The following VCAN variants were observed in gnomAD, a reference collection of about 807,000 sequenced individuals.
The protein encoded by VCAN is versican core protein.
A neutral mutation model predicts 245.5 loss-of-function variants in VCAN; 44 were observed. That is an observed-to-expected ratio of 0.18 (90% CI 0.14 to 0.23). The LOEUF is 0.23. VCAN is among the 10% of genes least tolerant of loss of function. The pLI, the probability that VCAN is intolerant of heterozygous loss-of-function variation, is 1.00. For missense variants in VCAN, 3,793 were observed against 4,057.9 expected (o/e 0.93, Z 1.77); for synonymous variants, 1,413 against 1,437.0 (o/e 0.98, Z 0.38).
intron 1 of VCAN, 72 bp downstream of exon 1, chr5:83,472,095 T>G: frequency 2.7e-5 from 6 of 220,660 alleles, no homozygotes; most frequent in East Asian, 8.9e-5. Context: ...CCCGCGAGCT[T>G]AGAAAAAAGA....
In VCAN at chr5:83,537,972, A is replaced by G. The variant is rs752088303; in HGVS notation, c.4969A>G (p.Thr1657Ala). 1 of 1,613,816 alleles carries G rather than the reference A, an allele frequency of 6.2e-7. No homozygotes were observed. The highest frequency in any genetic ancestry group is 8.5e-7 in the Non-Finnish European group (1 of 1,179,950). ...TGAAGATACAATGTTCACCATGGTA[A>G]CTGATTTATCACAGAGAAATACTAC... ...EDEDTMFTMV[T>A]DLSQRNTTDT... is the part of the protein sequence containing the mutation. The change falls in exon 8 of 15, where the codon ACT (threonine) becomes GCT (alanine). Residue 1657 changes from threonine to alanine, a missense_variant. Around this residue, in one of 5 missense-constraint regions of VCAN, gnomAD observed 3,182 missense variants for 3,250.3 expected, o/e 0.98. Transcript: ENST00000265077.
intron 13 of VCAN, among the ~76,000 whole-genome samples, chr5:83,575,433 G>T (rs1056827187): frequency 1.3e-5 from 2 of 151,896 alleles, no homozygotes; most frequent in Non-Finnish European, 2.9e-5. Context: ...TAAATTATTC[G>T]TCTCTATCCA....
intron 1 of VCAN, among the ~76,000 whole-genome samples, chr5:83,480,389 C>G (rs565412937): frequency 6.6e-6 from 1 of 152,074 alleles, no homozygotes; most frequent in Non-Finnish European, 1.5e-5. Context: ...TGGGTCACAC[C>G]TTTGGTTTTT....
rs954604016 is a variant in VCAN, at chr5:83,536,878, T to A, written c.4004-129T>A. 10 of 725,804 alleles carry A rather than the reference T, an allele frequency of 1.4e-5. No homozygotes were observed. In the Admixed American group the frequency reaches 2.2e-4, roughly 16 times the overall value. The allele number at this position is 725,804 out of a possible 1,614,324, so 45.0% of individuals were successfully genotyped here. A position where few individuals can be genotyped will look rare whatever the true frequency, so the allele number is the denominator to read the frequency against. On this transcript the variant is annotated intron_variant, in intron 7 of 14. Coordinates refer to ENST00000265077, the MANE Select transcript of VCAN (RefSeq NM_004385.5). Reference sequence around the variant, plus strand: ...ACTGAGAACCATATAAGAGGGTGATTGCACTTATTATGAAAAGATTTGAAT... The same window carrying A: ...ACTGAGAACCATATAAGAGGGTGATAGCACTTATTATGAAAAGATTTGAAT...
rs965228372 is a variant in VCAN at position 83,561,912 on chromosome 5, C to T, written c.9735+6874C>T. The stretch of plus-strand genomic sequence containing the variant: ...GAGAATACGGAGTATTCATTAATTC[C>T]AGTGCTTTCTAAGCTTGTTGTAGAT... On this transcript the variant is annotated intron_variant, in intron 12 of 14. Coordinates refer to ENST00000265077, the MANE Select transcript of VCAN (RefSeq NM_004385.5). 5 of 152,150 alleles carry T rather than the reference C, an allele frequency of 3.3e-5. No homozygotes were observed. In the East Asian group the frequency reaches 9.6e-4, roughly 29 times the overall value. 9.4% of individuals were successfully genotyped at this position (152,150 alleles called of 1,614,324 possible). A position where few individuals can be genotyped will look rare whatever the true frequency, so the allele number is the denominator to read the frequency against.
At position 83,540,543 on chromosome 5, in the gene VCAN, A is replaced by C. The variant is rs747213731; in HGVS notation, c.7540A>C (p.Arg2514=). ...STLSNTVSYE[R]STDGSFQDRF... Reference sequence around the variant, plus strand: ...ACTGTCAAATACAGTGTCATATGAGAGGTCCACAGACGGTAGTTTCCAAGA... The same window carrying C: ...ACTGTCAAATACAGTGTCATATGAGCGGTCCACAGACGGTAGTTTCCAAGA... The change falls in exon 8 of 15, where the codon AGG becomes CGG. Residue 2514 remains arginine, a synonymous_variant. Coordinates refer to ENST00000265077, the MANE Select transcript of VCAN (RefSeq NM_004385.5). 3.7e-6 allele frequency: 6 copies of C among 1,613,992 alleles called. No individual in the cohort carries two copies. The highest frequency in any genetic ancestry group is 4.2e-6 in the Non-Finnish European group (5 of 1,179,942).
chr5:83,542,258 C>G lies in VCAN; in HGVS notation c.9255C>G (p.Ile3085Met). Residue 3085 changes from isoleucine (I) to methionine (M), a missense_variant, in exon 8 of 15, where the codon ATC becomes ATG. Physicochemically the swap from Ile to Met is conservative, Grantham distance 10 (BLOSUM62 1). Coordinates refer to ENST00000265077, the MANE Select transcript of VCAN (RefSeq NM_004385.5). ...AAGAGTCAGTGGAAGGCACGGCAATCTATTTACCAGGTAAGATCACAACAT... is the reference window on the plus strand; with the variant it reads ...AAGAGTCAGTGGAAGGCACGGCAATGTATTTACCAGGTAAGATCACAACAT... ...INEESVEGTA[I>M]YLPGPDRCKM... The G allele has an allele frequency of 6.2e-7, 1 of 1,612,784 alleles. No individual in the cohort carries two copies. The highest frequency in any genetic ancestry group is 8.5e-7 in the Non-Finnish European group (1 of 1,179,886).
intron 5 of VCAN, among the ~76,000 whole-genome samples, chr5:83,504,532 C>T (rs537795213): frequency 6.6e-6 from 1 of 152,066 alleles, no homozygotes; most frequent in Non-Finnish European, 1.5e-5. Flanking sequence ...CAGGCATGCA[C>T]CACCATGCCT....
At chr5:83,564,570 A>G (rs1436043192) in intron 12 of VCAN, among the ~76,000 whole-genome samples, 1 of 152,150 alleles carries the variant, frequency 6.6e-6, no homozygotes, top group African/African-American at 2.4e-5. Context: ...ATTAGGACCT[A>G]TCTGTCCTGT....
intron 12 of VCAN, among the ~76,000 whole-genome samples, chr5:83,557,979 TC>T (rs1032694037): frequency 6.6e-6 from 1 of 152,112 alleles, no homozygotes; most frequent in African/African-American, 2.4e-5. Context: ...CTTAATTCAC[TC>T]TCTGTGTAAA....
In VCAN at chr5:83,511,244, C is replaced by T. The variant is rs563852828; in HGVS notation, c.749-859C>T. The stretch of plus-strand genomic sequence containing the variant: ...GCAACCTCTGCCTCCCGGGTTCAAG[C>T]GATTCTCCTAAAAAAAAAAGAAGTC... On this transcript the variant is annotated intron_variant, in intron 5 of 14. Transcript: ENST00000265077. Among the ~76,000 whole-genome samples the T allele has an allele frequency of 4.6e-5, 7 of 150,592 alleles. No homozygotes were observed. In the East Asian group the frequency reaches 9.8e-4, roughly 21 times the overall value.
chr5:83,519,316 TGTCTA>T, intron 6 of VCAN, 28 bp from the exon 7 acceptor site: 1 of 1,610,838 alleles, frequency 6.2e-7, no homozygotes, highest in Non-Finnish European at 8.5e-7. Flanking sequence ...ATTAGTGACT[TGTCTA>T]ATCAACTCTT....
intron 12 of VCAN, among the ~76,000 whole-genome samples, chr5:83,562,965 T>G (rs1747927477): frequency 6.6e-6 from 1 of 152,154 alleles, no homozygotes; most frequent in Non-Finnish European, 1.5e-5. Flanking sequence ...CTGGCCAGAT[T>G]GTCTTTCCCG....
At chr5:83,515,851 A>T (rs1745826713) in intron 6 of VCAN, among the ~76,000 whole-genome samples, 1 of 152,164 alleles carries the variant, frequency 6.6e-6, no homozygotes, top group Non-Finnish European at 1.5e-5. Context: ...GCCAAAACTA[A>T]CCTTTCCCCG....
chr5:83,549,938 T>G (rs1357079604), intron 10 of VCAN, among the ~76,000 whole-genome samples: 1 of 152,246 alleles, frequency 6.6e-6, no homozygotes, highest in Non-Finnish European at 1.5e-5. Flanking sequence ...AGTTTGGTGA[T>G]GACCGTGTCA....
At chr5:83,487,248 G>A (rs1469992254) in intron 2 of VCAN, among the ~76,000 whole-genome samples, 1 of 152,084 alleles carries the variant, frequency 6.6e-6, no homozygotes, top group Non-Finnish European at 1.5e-5. Context: ...ATTTGGCCAA[G>A]GTCTGTGTGT....
chr5:83,476,205 G>A (rs1230859748), intron 1 of VCAN, among the ~76,000 whole-genome samples: 1 of 152,208 alleles, frequency 6.6e-6, no homozygotes, highest in Non-Finnish European at 1.5e-5. Flanking sequence ...CTTTGAGAGC[G>A]CAAAGATCAA....
chr5:83,479,786 TG>T (rs1744550169), intron 1 of VCAN, among the ~76,000 whole-genome samples: 1 of 152,182 alleles, frequency 6.6e-6, no homozygotes, highest in African/African-American at 2.4e-5. Flanking sequence ...ATGAACGTCT[TG>T]GACTCCAAAG....
rs777985371 is a variant in VCAN at position 83,521,264 on chromosome 5, A to T, written c.2958A>T (p.Leu986Phe). 4 of 1,614,140 alleles carry T rather than the reference A, an allele frequency of 2.5e-6. No individual in the cohort carries two copies. Among genetic ancestry groups the T allele is most frequent in the Non-Finnish European group, 3.4e-6 (4 of 1,179,960 alleles). ...SVIPKTDWGVLVPSVPSEDEV... is the reference protein window; with the variant it reads ...SVIPKTDWGVFVPSVPSEDEV... Reference sequence around the variant, plus strand: ...TTCCCAAGACAGACTGGGGAGTGTTAGTACCTTCTGTTCCATCAGAAGATG... The same window carrying T: ...TTCCCAAGACAGACTGGGGAGTGTTTGTACCTTCTGTTCCATCAGAAGATG... The change falls in exon 7 of 15, where the codon TTA (leucine) becomes TTT (phenylalanine). Residue 986 changes from leucine to phenylalanine, a missense_variant. Transcript: ENST00000265077.
Sources: gnomAD v4.1 joint callset for allele counts (sites outside exome capture counted in the v4.1 genomes callset) on GRCh38, gnomAD v4.1.1 for gene constraint, gnomAD v4.1.1 regional missense constraint, MANE v1.5 for transcripts, NCBI Gene and HGNC (gene_info 2026-07-23, HGNC 2026-07-21) for gene names.